Variants in FCAMR observed in about 807,000 individuals in gnomAD.
FCAMR encodes the protein high affinity immunoglobulin alpha and immunoglobulin mu Fc receptor.
In FCAMR, 51 loss-of-function variants were observed where a neutral mutation model predicts 52.2. The ratio of observed to expected loss-of-function variants is 0.98; its 90% CI spans 0.78 to 1.23. The LOEUF is 1.23. Among genes scored for constraint, FCAMR ranks in the 50% most tolerant of loss-of-function variants. The pLI is 0.00. For synonymous variants in FCAMR, 282 were observed against 262.0 expected (o/e 1.08, Z -0.74); for missense variants, 719 against 712.6 (o/e 1.01, Z -0.10).
At chr1:206,962,990 C>G (rs1680570171) in intron 4 of FCAMR, among the ~76,000 whole-genome samples, 1 of 152,118 alleles carries the variant, frequency 6.6e-6, no homozygotes, top group South Asian at 2.1e-4. Context: ...AATCTATCAT[C>G]AAAAGACAAA....
At chr1:206,967,138 G>A (rs763772325) in intron 2 of FCAMR, 26 bp from the exon 3 acceptor site, 3 of 1,611,830 alleles carry the variant, frequency 1.9e-6, no homozygotes, top group South Asian at 2.2e-5. Flanking sequence ...TAAATGAAAA[G>A]AGGCCTGAGA....
Position 206,965,737 on chromosome 1 carries a change from C to A in FCAMR, c.291G>T (p.Trp97Cys), listed in dbSNP as rs1680680408. ...GTLRPSSPLC[W>C]REESSFAAPN... ...TACCTGCAAAGGAGCTCTCCTCCCG[C>A]CAGCAGAGGGGCGAGGAAGGCCTGA... The change falls in exon 4 of 8, where the codon TGG becomes TGT. Residue 97 changes from tryptophan (W) to cysteine (C), a missense_variant. Trp to Cys is a radical substitution (Grantham distance 215, BLOSUM62 -2). Coordinates refer to ENST00000324852, the MANE Select transcript of FCAMR (RefSeq NM_001170631.2). 8 of 1,576,266 alleles carry A rather than the reference C, an allele frequency of 5.1e-6. No individual in the cohort carries two copies. The highest frequency in any genetic ancestry group is 1.7e-4 in the Middle Eastern group (1 of 5,882).
chr1:206,966,934 G>A, intron 3 of FCAMR, 118 bp downstream of exon 3: 1 of 897,966 alleles, frequency 1.1e-6, no homozygotes, highest in South Asian at 1.5e-5. Context: ...TTTGTCATCT[G>A]AGCATGGTTT....
chr1:206,962,984 T>A (rs942268704), intron 4 of FCAMR, among the ~76,000 whole-genome samples: 1 of 152,198 alleles, frequency 6.6e-6, no homozygotes, highest in Admixed American at 6.5e-5. Context: ...AATGGTAATC[T>A]ATCATCAAAA....
At chr1:206,967,466 C>T (rs368361437) in intron 2 of FCAMR, 117 bp downstream of exon 2, 127 of 1,125,456 alleles carry the variant, frequency 1.1e-4, no homozygotes, top group African/African-American at 8.6e-4. Context: ...GGAAAGGCCA[C>T]GTTTGAAGTC....
chr1:206,959,918 G>T, intron 6 of FCAMR, 121 bp from the exon 7 acceptor site: 1 of 767,620 alleles, frequency 1.3e-6, no homozygotes. Flanking sequence ...CAAATGGGCA[G>T]CCCTGGTTCC....
chr1:206,963,412 C>T (rs905237738), intron 4 of FCAMR, among the ~76,000 whole-genome samples: 2 of 152,120 alleles, frequency 1.3e-5, no homozygotes, highest in Admixed American at 6.6e-5. Context: ...TCTCTCACTG[C>T]CTCTTCATAC....
At chr1:206,958,946 A>G (rs779267252) in intron 7 of FCAMR, 1 of 594,910 alleles carries the variant, frequency 1.7e-6, no homozygotes, top group Non-Finnish European at 3.2e-6. Flanking sequence ...CCTCACTTTA[A>G]GAGTACTTAA....
At chr1:206,960,199 ATT>A (rs532866253) in intron 6 of FCAMR, 144 of 561,444 alleles carry the variant, frequency 2.6e-4, no homozygotes, top group African/African-American at 2.5e-3. Flanking sequence ...CAGCCTAAAT[ATT>A]GTCTTTCTAT....
intron 5 of FCAMR, among the ~76,000 whole-genome samples, chr1:206,961,669 G>C (rs1377890064): frequency 1.3e-5 from 2 of 152,246 alleles, no homozygotes; most frequent in Non-Finnish European, 2.9e-5. Context: ...TGTCTCCTCT[G>C]CCAAGTGGCC....
In FCAMR at chr1:206,967,208, G is replaced by A. The variant is rs1234195487; in HGVS notation, c.109-96C>T. On this transcript the variant is annotated intron_variant, in intron 2 of 7. Transcript: ENST00000324852. ...AAGCATCTTCTCACTTTGGGATCTC[G>A]GTTTGCTCAGTGCAGGGGCTGGGTT... is the stretch of plus-strand genomic sequence containing the variant. 1.2e-5 allele frequency: 15 copies of A among 1,301,772 alleles called. No homozygotes were observed. In the Admixed American group the frequency reaches 1.2e-4, roughly 10 times the overall value. 80.6% of individuals were successfully genotyped at this position (1,301,772 alleles called of 1,614,324 possible). A position where few individuals can be genotyped will look rare whatever the true frequency, so the allele number is the denominator to read the frequency against.
rs1306040924 is a variant in FCAMR at position 206,965,702 on chromosome 1, G to A, written c.313+13C>T. The A allele has an allele frequency of 3.9e-6, 6 of 1,555,784 alleles. No individual in the cohort carries two copies. The highest frequency in any genetic ancestry group is 1.2e-5 in the South Asian group (1 of 80,698). On this transcript the variant is annotated intron_variant, in intron 4 of 7. Transcript: ENST00000324852. The stretch of plus-strand genomic sequence containing the variant: ...AGGTCCATGGTCGAACAAAGGGAGA[G>A]TAGGGGTTGTACCTGCAAAGGAGCT...
chr1:206,962,535 C>T lies in FCAMR; in HGVS notation c.330G>A (p.Lys110=), dbSNP rs751659664. 121 of 1,564,048 alleles carry T rather than the reference C, an allele frequency of 7.7e-5. No homozygotes were observed. Among genetic ancestry groups the T allele is most frequent in the Middle Eastern group, 1.7e-4 (1 of 5,846 alleles). The change falls in exon 5 of 8, where the codon AAG becomes AAA. Residue 110 remains lysine, a synonymous_variant. Coordinates refer to ENST00000324852, the MANE Select transcript of FCAMR (RefSeq NM_001170631.2). The part of the protein sequence containing the change: ...ESSFAAPNSL[K]GSRLVSGEPG... ...GCTCCCCTGACACCAGCCTTGAGCC[C>T]TTCAATGAATTTGGAGCTGCAGACA...
chr1:206,961,363 A>C, intron 5 of FCAMR, 140 bp from the exon 6 acceptor site: 1 of 657,944 alleles, frequency 1.5e-6, no homozygotes, highest in African/African-American at 1.8e-5. Flanking sequence ...AATAGGTTGG[A>C]TAAAATAAAA....
At position 206,959,704 on chromosome 1, in the gene FCAMR, T is replaced by C; in HGVS notation, c.1548A>G (p.Gln516=). 1 of 1,614,018 alleles carries C rather than the reference T, an allele frequency of 6.2e-7. No homozygotes were observed. Among genetic ancestry groups the C allele is most frequent in the Non-Finnish European group, 8.5e-7 (1 of 1,179,980 alleles). ...AGGTCCTCCTTCTCCAGAGCTTCCT[T>C]TGCAATAGAACCAGAGCCATAAGCA... ...LFMLMALVLL[Q]RKLWRRRTSQ... is the part of the protein sequence containing the mutation. Residue 516 remains glutamine, a synonymous_variant, in exon 7 of 8, where the codon CAA becomes CAG. Transcript: ENST00000324852.
At chr1:206,959,612 C>G (rs1398252648) in intron 7 of FCAMR, 67 bp downstream of exon 7, 1 of 1,310,090 alleles carries the variant, frequency 7.6e-7, no homozygotes. Context: ...TCTACCCCTA[C>G]CCAGCCCTGA....
chr1:206,966,276 C>A (rs192710546), intron 3 of FCAMR, among the ~76,000 whole-genome samples: 1 of 152,154 alleles, frequency 6.6e-6, no homozygotes, highest in Non-Finnish European at 1.5e-5. Flanking sequence ...AAATCATGGG[C>A]CTGCCTGAGT....
At chr1:206,965,007 T>C (rs1680650702) in intron 4 of FCAMR, among the ~76,000 whole-genome samples, 1 of 152,122 alleles carries the variant, frequency 6.6e-6, no homozygotes, top group South Asian at 2.1e-4. Flanking sequence ...AGAGTAGAGG[T>C]CATAAATGTT....
rs755687047 is a variant in FCAMR at position 206,967,666 on chromosome 1, G to A, written c.40-15C>T. On this transcript the variant is annotated splice_polypyrimidine_tract_variant and intron_variant, in intron 1 of 7. Coordinates refer to ENST00000324852, the MANE Select transcript of FCAMR (RefSeq NM_001170631.2). ...CTCACCACTTCCTGTTTGCAGAAGG[G>A]GAATTGGTTTTTTCAAGGGAAGATT... The A allele has an allele frequency of 1.2e-6, 2 of 1,613,582 alleles. No individual in the cohort carries two copies. Among genetic ancestry groups the A allele is most frequent in the African/African-American group, 1.3e-5 (1 of 74,916 alleles).
Sources: gnomAD v4.1 joint callset for allele counts (sites outside exome capture counted in the v4.1 genomes callset) on GRCh38, gnomAD v4.1.1 for gene constraint, MANE v1.5 for transcripts, NCBI Gene and HGNC (gene_info 2026-07-23, HGNC 2026-07-21) for gene names.